Variants in ESRRG observed in about 807,000 individuals in gnomAD.
ESRRG encodes the protein estrogen related receptor gamma.
In ESRRG, 13 loss-of-function variants were observed where a neutral mutation model predicts 44.0. That is an observed-to-expected ratio of 0.30 (90% CI 0.19 to 0.47). ESRRG has a LOEUF of 0.47. ESRRG is among the 20% of genes least tolerant of loss of function. The pLI, the probability that ESRRG is intolerant of heterozygous loss-of-function variation, is 1.00. For missense variants in ESRRG, 395 were observed against 580.6 expected (o/e 0.68, Z 3.29); for synonymous variants, 215 against 214.6 (o/e 1.00, Z -0.02).
chr1:216,780,899 G>T (rs2093909507), intron 2 of ESRRG, among the ~76,000 whole-genome samples: 1 of 151,962 alleles, frequency 6.6e-6, no homozygotes, highest in African/African-American at 2.4e-5. Flanking sequence ...ACACAACTAA[G>T]TATTGTGACT....
chr1:216,958,757 C>T (rs1396634681), intron 1 of ESRRG, among the ~76,000 whole-genome samples: 1 of 152,154 alleles, frequency 6.6e-6, no homozygotes, highest in Admixed American at 6.5e-5. Context: ...ATTATGATCT[C>T]ATCTCCTAGT....
At position 216,718,438 on chromosome 1, in the gene ESRRG, T is replaced by C. The variant is rs922193620; in HGVS notation, c.56+4806A>G. On this transcript the variant is annotated intron_variant, in intron 1 of 6. Coordinates refer to ENST00000408911, the MANE Select transcript of ESRRG (RefSeq NM_001438.4). ...TTTATTAATAATAGTATAGTTCATG[T>C]ATATCCACATATACATGGCTATCAA... Among the ~76,000 whole-genome samples, 7 of 151,930 alleles carry C rather than the reference T, an allele frequency of 4.6e-5. No homozygotes were observed. The South Asian group carries it at 1.5e-3, about 31-fold the overall frequency.
At chr1:216,573,100 T>A (rs2061103844) in intron 3 of ESRRG, among the ~76,000 whole-genome samples, 1 of 151,990 alleles carries the variant, frequency 6.6e-6, no homozygotes, top group Admixed American at 6.6e-5. Context: ...CTTGCATACA[T>A]CAAAATGAAG....
chr1:216,691,086 T>A (rs2078973520), intron 1 of ESRRG, among the ~76,000 whole-genome samples: 1 of 152,172 alleles, frequency 6.6e-6, no homozygotes, highest in African/African-American at 2.4e-5. Context: ...CTGCAATGTG[T>A]GAGTAGTCAC....
At chr1:217,075,889 TAA>T (rs2151483403) in intron 1 of ESRRG, among the ~76,000 whole-genome samples, 1 of 152,316 alleles carries the variant, frequency 6.6e-6, no homozygotes, top group South Asian at 2.1e-4. Flanking sequence ...ATTGAGCTTC[TAA>T]ATTATAACCC....
chr1:216,662,544 T>C (rs2072763723), intron 2 of ESRRG, among the ~76,000 whole-genome samples: 1 of 152,074 alleles, frequency 6.6e-6, no homozygotes, highest in Non-Finnish European at 1.5e-5. Context: ...CTGTCTTCTA[T>C]GTTAGGGATT....
At chr1:216,695,033 A>G (rs1433438653) in intron 1 of ESRRG, among the ~76,000 whole-genome samples, 1 of 152,158 alleles carries the variant, frequency 6.6e-6, no homozygotes, top group East Asian at 1.9e-4. Context: ...TATAATGAAG[A>G]TAAATCATGA....
At position 216,809,718 on chromosome 1, in the gene ESRRG, G is replaced by A. The variant is rs138065471; in HGVS notation, c.-14+129864C>T. Among the ~76,000 whole-genome samples the A allele has an allele frequency of 2.0e-5, 3 of 152,108 alleles. No homozygotes were observed. In the East Asian group the frequency reaches 5.8e-4, roughly 29 times the overall value. On this transcript the variant is annotated intron_variant, in intron 2 of 7. Transcript: ENST00000359162. ...TCTTCACCAGCCCATCTAACAGGTG[G>A]GCCCCTCAAGCCAACAGGACTGTTG...
chr1:217,035,207 C>T (rs1395231512), intron 1 of ESRRG, among the ~76,000 whole-genome samples: 1 of 150,464 alleles, frequency 6.6e-6, no homozygotes, highest in East Asian at 2.0e-4. Context: ...GCTGAGAAGC[C>T]TGGTGCAGTG....
At chr1:217,115,198 G>C (rs2102476074) in intron 1 of ESRRG, among the ~76,000 whole-genome samples, 1 of 152,304 alleles carries the variant, frequency 6.6e-6, no homozygotes, top group African/African-American at 2.4e-5. Context: ...TTAGAATGCA[G>C]CATTTTAAGT....
At chr1:217,072,466 G>C (rs529590885) in intron 1 of ESRRG, among the ~76,000 whole-genome samples, 4 of 152,200 alleles carry the variant, frequency 2.6e-5, no homozygotes, top group African/African-American at 7.2e-5. Flanking sequence ...TTAATCACTG[G>C]AATAGGCATT....
chr1:217,079,043 C>T (rs958267090), intron 1 of ESRRG, among the ~76,000 whole-genome samples: 1 of 152,186 alleles, frequency 6.6e-6, no homozygotes, highest in African/African-American at 2.4e-5. Flanking sequence ...GCAGTGGAAT[C>T]ACCTTCTTTA....
At chr1:216,901,380 T>C (rs1352063001) in intron 2 of ESRRG, among the ~76,000 whole-genome samples, 1 of 152,214 alleles carries the variant, frequency 6.6e-6, no homozygotes, top group Non-Finnish European at 1.5e-5. Flanking sequence ...TACTTTTTCT[T>C]TTTTTGAGAC....
At chr1:217,017,981 G>C (rs1461573238) in intron 1 of ESRRG, among the ~76,000 whole-genome samples, 1 of 152,142 alleles carries the variant, frequency 6.6e-6, no homozygotes, top group Non-Finnish European at 1.5e-5. Context: ...GTCAGATTTT[G>C]CTGCCAAATA....
intron 2 of ESRRG, among the ~76,000 whole-genome samples, chr1:216,730,095 A>G (rs1218150270): frequency 6.6e-6 from 1 of 151,948 alleles, no homozygotes; most frequent in Admixed American, 6.6e-5. Context: ...AAAAGATTAC[A>G]TTTCTCCCCT....
upstream of ESRRG, among the ~76,000 whole-genome samples, chr1:217,092,202 C>A (rs2092358377): frequency 6.6e-6 from 1 of 152,170 alleles, no homozygotes; most frequent in African/African-American, 2.4e-5. Context: ...TCAAACTCTG[C>A]AGACTACTTT....
intron 2 of ESRRG, among the ~76,000 whole-genome samples, chr1:216,932,070 GGCGT>G (rs1414097521): frequency 1.3e-5 from 2 of 152,128 alleles, no homozygotes; most frequent in African/African-American, 4.8e-5. Context: ...CGGACATGGT[GGCGT>G]GCACCTGTAA....
intron 3 of ESRRG, among the ~76,000 whole-genome samples, chr1:216,641,007 G>T (rs1447947600): frequency 6.6e-6 from 1 of 152,052 alleles, no homozygotes; most frequent in Admixed American, 6.6e-5. Context: ...AATCCAAAAA[G>T]AATAAAAATA....
chr1:217,054,655 T>A (rs376915398), intron 1 of ESRRG, among the ~76,000 whole-genome samples: 3 of 152,128 alleles, frequency 2.0e-5, no homozygotes, highest in African/African-American at 7.2e-5. Flanking sequence ...TAGGTTGTAA[T>A]GACCTGAAAA....
Sources: allele counts gnomAD v4.1 joint callset (sites outside exome capture counted in the v4.1 genomes callset), GRCh38; gene constraint gnomAD v4.1.1; transcripts MANE v1.5; gene names NCBI Gene and HGNC (gene_info 2026-07-23, HGNC 2026-07-21).